VAX2: variants seen among roughly 807,000 people sequenced by gnomAD.
VAX2 encodes ventral anterior homeobox 2.
A neutral mutation model predicts 12.5 loss-of-function variants in VAX2; 8 were observed. The observed-to-expected ratio is 0.64, with a 90% CI of 0.37 to 1.15. VAX2 has a LOEUF of 1.15. Among genes scored for constraint, VAX2 ranks in the 50% most tolerant of loss-of-function variants. The probability of loss-of-function intolerance (pLI) is 0.01; values close to 1 mark genes in which losing one functional copy is unlikely to be tolerated. For synonymous variants in VAX2, 183 were observed against 187.6 expected (o/e 0.98, Z 0.20); for missense variants, 476 against 412.9 (o/e 1.15, Z -1.32).
chr2:70,932,587 G>A (rs1679717260), intron 2 of VAX2, among the ~76,000 whole-genome samples, 180 bp from the exon 3 acceptor site: 2 of 151,536 alleles, frequency 1.3e-5, no homozygotes, highest in Admixed American at 6.6e-5. Flanking sequence ...ATGGTTGTGG[G>A]GAGACCTTAA....
intron 1 of VAX2, 62 bp from the exon 2 acceptor site, chr2:70,921,036 C>A: frequency 2.1e-6 from 3 of 1,453,036 alleles, no homozygotes; most frequent in Non-Finnish European, 1.8e-6. Context: ...TATTAAGATG[C>A]TTTCTGGTGA....
chr2:70,933,091 C>G lies in VAX2; in HGVS notation c.760C>G (p.Pro254Ala). The G allele has an allele frequency of 6.2e-7, 1 of 1,610,338 alleles. No individual in the cohort carries two copies. Among genetic ancestry groups the G allele is most frequent in the East Asian group, 2.2e-5 (1 of 44,734 alleles). The change falls in exon 3 of 3, where the codon CCG (proline) becomes GCG (alanine). Residue 254 changes from proline (P) to alanine (A), a missense_variant. Physicochemically the swap from Pro to Ala is conservative, Grantham distance 27. Coordinates refer to ENST00000234392, the MANE Select transcript of VAX2 (RefSeq NM_012476.3). ...PLPAVCFSSA[P>A]LLDLPAGYEL... Reference sequence around the variant, plus strand: ...GCCAGCTGTCTGCTTTTCCTCGGCCCCGCTCCTGGATCTGCCTGCCGGCTA... The same window carrying G: ...GCCAGCTGTCTGCTTTTCCTCGGCCGCGCTCCTGGATCTGCCTGCCGGCTA...
chr2:70,933,206 A>C lies in VAX2; in HGVS notation c.*2A>C. 9 of 1,505,732 alleles carry C rather than the reference A, an allele frequency of 6.0e-6. No homozygotes were observed. Among genetic ancestry groups the C allele is most frequent in the Non-Finnish European group, 8.0e-6 (9 of 1,126,876 alleles). 93.3% of individuals were successfully genotyped at this position (1,505,732 alleles called of 1,614,324 possible). On this transcript the variant is annotated 3_prime_UTR_variant, in exon 3 of 3. Coordinates refer to ENST00000234392, the MANE Select transcript of VAX2 (RefSeq NM_012476.3). ...AGCTGCAAGAAAGCTAACACTTAAG[A>C]CTCCCACCCTGTGACACTGAGTCCC...
Position 70,904,934 on chromosome 2 carries a change from G to C in VAX2, c.247+4066G>C, listed in dbSNP as rs1056041245. On this transcript the variant is annotated intron_variant, in intron 1 of 2. Transcript: ENST00000234392. The surrounding 1 kb of genome is among the most constrained non-coding windows in gnomAD (Gnocchi z 4.2). ...AGCACAATGGCGTGCAGCCGCCGGG[G>C]CCCTAACTCCCAGAGACGCGTCTGA... Among the ~76,000 whole-genome samples the C allele has an allele frequency of 6.6e-6, 1 of 152,212 alleles. No homozygotes were observed. The highest frequency in any genetic ancestry group is 1.5e-5 in the Non-Finnish European group (1 of 68,050).
At chr2:70,918,380 C>T (rs187309393) in intron 1 of VAX2, among the ~76,000 whole-genome samples, 1 of 152,130 alleles carries the variant, frequency 6.6e-6, no homozygotes, top group East Asian at 1.9e-4. Context: ...TGGGGTGGGA[C>T]GCTTGGAGGG....
chr2:70,919,779 G>A (rs1553412536), intron 1 of VAX2, among the ~76,000 whole-genome samples: 2 of 152,318 alleles, frequency 1.3e-5, no homozygotes, highest in African/African-American at 2.4e-5. Flanking sequence ...TTGAACCCTA[G>A]AGGTCGAGAC....
At chr2:70,926,199 C>T (rs781911605) in intron 2 of VAX2, among the ~76,000 whole-genome samples, 1 of 152,204 alleles carries the variant, frequency 6.6e-6, no homozygotes, top group Non-Finnish European at 1.5e-5. Flanking sequence ...CTCTACAGGA[C>T]AAAGGGTCCA....
At chr2:70,927,849 A>G (rs573423319) in intron 2 of VAX2, among the ~76,000 whole-genome samples, 25 of 152,240 alleles carry the variant, frequency 1.6e-4, no homozygotes, top group Admixed American at 9.8e-4. Context: ...ACTGAGTCCC[A>G]GGGAGTCAAG....
intron 2 of VAX2, among the ~76,000 whole-genome samples, chr2:70,926,062 G>A (rs1679564609): frequency 6.6e-6 from 1 of 151,814 alleles, no homozygotes; most frequent in Non-Finnish European, 1.5e-5. Context: ...TCCATGGCTA[G>A]TCTCTTCTTT....
Position 70,900,822 on chromosome 2 carries a change from G to A in VAX2, c.201G>A (p.Gln67=). Residue 67 remains glutamine (Q), a synonymous_variant, in exon 1 of 3, where the codon CAG becomes CAA. Transcript: ENST00000234392. ...AGAGTGGAGCCGACAGCGACGGGCA[G>A]CCCGGGCCCGGCGAGGCAGACCACT... ...SRESGADSDG[Q]PGPGEADHCR... 2 of 1,481,844 alleles carry A rather than the reference G, an allele frequency of 1.3e-6. No individual in the cohort carries two copies. The highest frequency in any genetic ancestry group is 2.3e-5 in the Admixed American group (1 of 44,168). 91.8% of individuals were successfully genotyped at this position (1,481,844 alleles called of 1,614,324 possible). A position where few individuals can be genotyped will look rare whatever the true frequency, so the allele number is the denominator to read the frequency against.
chr2:70,924,610 A>G (rs1437656336), intron 2 of VAX2, among the ~76,000 whole-genome samples: 2 of 152,188 alleles, frequency 1.3e-5, no homozygotes, highest in African/African-American at 2.4e-5. Flanking sequence ...AGTACCCATG[A>G]AGATGGCTTT....
Position 70,906,180 on chromosome 2 carries a change from C to T in VAX2, c.247+5312C>T, listed in dbSNP as rs150402285. Among the ~76,000 whole-genome samples the T allele has an allele frequency of 2.6e-3, 390 of 152,364 alleles. 2 individuals are homozygous for T. The highest frequency in any genetic ancestry group is 4.5e-3 in the Non-Finnish European group (304 of 68,044). ...GCATGGGCCTGCCCACCAATCCCTG[C>T]GGCGAGACAGGTCTAGGAGGCTAGT... On this transcript the variant is annotated intron_variant, in intron 1 of 2. Transcript: ENST00000234392.
intron 2 of VAX2, among the ~76,000 whole-genome samples, chr2:70,930,953 G>A (rs923685578): frequency 1.2e-4 from 18 of 152,242 alleles, no homozygotes; most frequent in African/African-American, 3.1e-4. Context: ...AAGTCTGGGT[G>A]CTCCCATGGT....
chr2:70,930,465 G>A (rs4852731), intron 2 of VAX2, among the ~76,000 whole-genome samples: 6,938 of 152,278 alleles, frequency 0.046, 201 homozygotes, highest in Admixed American at 0.079. Context: ...AGGGGATTGT[G>A]ATCTGTCTCA....
At chr2:70,922,402 G>A (rs1679479552) in intron 2 of VAX2, among the ~76,000 whole-genome samples, 1 of 152,144 alleles carries the variant, frequency 6.6e-6, no homozygotes. Flanking sequence ...CTGTGTGGCT[G>A]CTGTCCTCCC....
At chr2:70,909,750 C>T (rs1428926656) in intron 1 of VAX2, among the ~76,000 whole-genome samples, 1 of 152,120 alleles carries the variant, frequency 6.6e-6, no homozygotes, top group African/African-American at 2.4e-5. Context: ...TTTTTAACCA[C>T]TGTATAGGAT....
intron 1 of VAX2, among the ~76,000 whole-genome samples, chr2:70,902,048 A>G (rs1678946556): frequency 1.3e-5 from 2 of 152,196 alleles, no homozygotes; most frequent in Non-Finnish European, 1.5e-5. Flanking sequence ...GAAGGCGAAC[A>G]GGCTGGAAGC....
In VAX2 at chr2:70,921,144, C is replaced by G. The variant is rs183938302; in HGVS notation, c.294C>G (p.Asp98Glu). The change falls in exon 2 of 3, where the codon GAC (aspartate) becomes GAG (glutamate). Residue 98 changes from aspartate (D) to glutamate (E), a missense_variant. Transcript: ENST00000234392. ...IREIVLPKGL[D>E]LDRPKRTRTS... ...AAATTGTCCTGCCTAAGGGCCTGGA[C>G]CTGGACCGGCCCAAGCGGACACGTA... 3.1e-6 allele frequency: 5 copies of G among 1,612,712 alleles called. No homozygotes were observed. The Admixed American group carries it at 8.4e-5, about 27-fold the overall frequency.
chr2:70,931,874 A>AT (rs1250214775), intron 2 of VAX2, among the ~76,000 whole-genome samples: 3 of 152,170 alleles, frequency 2.0e-5, no homozygotes, highest in East Asian at 1.9e-4. Flanking sequence ...AGAGGCTTCC[A>AT]TTTTTTCTCT....
Sources: gnomAD v4.1 joint callset for allele counts (sites outside exome capture counted in the v4.1 genomes callset) on GRCh38, gnomAD v4.1.1 for gene constraint, Gnocchi (gnomAD v3.1) non-coding constraint, MANE v1.5 for transcripts, NCBI Gene and HGNC (gene_info 2026-07-23, HGNC 2026-07-21) for gene names.